LOXL2: variants seen among roughly 807,000 people sequenced by gnomAD.
LOXL2 encodes the protein lysyl oxidase homolog 2.
In LOXL2, 70 loss-of-function variants were observed where a neutral mutation model predicts 93.0. The ratio of observed to expected loss-of-function variants is 0.75; its 90% CI spans 0.62 to 0.92. The LOEUF (loss-of-function observed/expected upper bound fraction) is 0.92. Among genes scored for constraint, LOXL2 ranks in the 40% least tolerant of loss-of-function variants. The pLI, the probability that LOXL2 is intolerant of heterozygous loss-of-function variation, is 0.00. For synonymous variants in LOXL2, 438 were observed against 413.2 expected, an observed-to-expected ratio of 1.06 and a Z score of -0.73; for missense variants, 973 against 1,054.9, an observed-to-expected ratio of 0.92 and a Z score of 1.08.
At chr8:23,392,609 G>A (rs552209191) in intron 1 of LOXL2, among the ~76,000 whole-genome samples, 3 of 152,234 alleles carry the variant, frequency 2.0e-5, no homozygotes, top group South Asian at 4.2e-4. Flanking sequence ...CCAGTGACAG[G>A]ATGTCTCCAT....
At chr8:23,370,917 GA>G (rs1426335825) in intron 1 of LOXL2, among the ~76,000 whole-genome samples, 1 of 152,170 alleles carries the variant, frequency 6.6e-6, no homozygotes, top group Admixed American at 6.5e-5. Context: ...GGAAATAATG[GA>G]AGAAATAATG....
At chr8:23,382,157 C>T (rs1804688942) in intron 1 of LOXL2, among the ~76,000 whole-genome samples, 1 of 152,106 alleles carries the variant, frequency 6.6e-6, no homozygotes, top group African/African-American at 2.4e-5. Context: ...TCCATTACAC[C>T]CAGAAAACCA....
At chr8:23,397,238 G>C (rs184666753) in intron 1 of LOXL2, among the ~76,000 whole-genome samples, 18 of 152,306 alleles carry the variant, frequency 1.2e-4, no homozygotes, top group Middle Eastern at 3.4e-3. Flanking sequence ...TGGGTACAGA[G>C]TTTCTGTTTT....
chr8:23,338,157 C>T (rs1278340063), intron 4 of LOXL2, among the ~76,000 whole-genome samples: 1 of 152,202 alleles, frequency 6.6e-6, no homozygotes, highest in Non-Finnish European at 1.5e-5. Context: ...GACTTATTCA[C>T]TATCATGAGA....
At chr8:23,316,522 C>G (rs1016942132) in intron 9 of LOXL2, among the ~76,000 whole-genome samples, 1 of 151,926 alleles carries the variant, frequency 6.6e-6, no homozygotes, top group African/African-American at 2.4e-5. Context: ...TCTAGGACTC[C>G]CAGCGAACTA....
intron 2 of LOXL2, chr8:23,365,946 T>A (rs1036522538): frequency 1.6e-4 from 24 of 152,258 alleles, no homozygotes; most frequent in Admixed American, 1.5e-3. Context: ...TCATATTCCC[T>A]CCACTCCTTG....
chr8:23,363,216 G>A (rs1321516132), intron 2 of LOXL2: 1 of 152,102 alleles, frequency 6.6e-6, no homozygotes, highest in South Asian at 2.1e-4. Flanking sequence ...GAAAACCAAG[G>A]AAAGAAACGG....
rs753104617 is a variant in LOXL2 at position 23,309,782 on chromosome 8, G to A, written c.1766C>T (p.Pro589Leu). The A allele has an allele frequency of 6.1e-5, 98 of 1,604,170 alleles. No homozygotes were observed. The highest frequency in any genetic ancestry group is 7.9e-5 in the Non-Finnish European group (93 of 1,175,762). The stretch of plus-strand genomic sequence containing the variant: ...CAGGAGCCGGCGGTAGCCCGTGGTG[G>A]GGTCGGTCTGCGCGGCTGAGGCCGA... ...CLSASAAQTD[P>L]TTGYRRLLRF... Residue 589 changes from proline to leucine, a missense_variant, in exon 10 of 14, where the codon CCC (proline) becomes CTC (leucine). Physicochemically the swap from Pro to Leu is moderately conservative, Grantham distance 98. Transcript: ENST00000389131.
At chr8:23,340,373 G>T (rs548220603) in intron 4 of LOXL2, among the ~76,000 whole-genome samples, 2 of 152,198 alleles carry the variant, frequency 1.3e-5, no homozygotes, top group East Asian at 3.9e-4. Flanking sequence ...TTGGGGTGCT[G>T]GAATCCTTCC....
intron 7 of LOXL2, chr8:23,321,695 G>C (rs1445875416): frequency 6.0e-6 from 1 of 166,238 alleles, no homozygotes; most frequent in Non-Finnish European, 1.3e-5. Context: ...AGTGGCAGCA[G>C]CACAGGGTTT....
chr8:23,303,380 T>G lies in LOXL2; in HGVS notation c.1898A>C (p.Glu633Ala). 1 of 1,609,910 alleles carries G rather than the reference T, an allele frequency of 6.2e-7. No homozygotes were observed. The highest frequency in any genetic ancestry group is 8.5e-7 in the Non-Finnish European group (1 of 1,176,478). ...HDCHRHYHSM[E>A]VFTHYDLLNL... ...CAGCAGGTCATAGTGGGTGAACACC[T>G]CCATGCTGTGGTAGTGCCTGGAGCG... The change falls in exon 11 of 14, where the codon GAG becomes GCG. Residue 633 changes from glutamate to alanine, a missense_variant. Glu to Ala is a moderately radical substitution (Grantham distance 107). Coordinates refer to ENST00000389131, the MANE Select transcript of LOXL2 (RefSeq NM_002318.3).
At chr8:23,302,272 C>T in intron 11 of LOXL2, 109 bp from the exon 12 acceptor site, 1 of 1,365,982 alleles carries the variant, frequency 7.3e-7, no homozygotes, top group Middle Eastern at 1.9e-4. Flanking sequence ...GCTCGGCATC[C>T]CACCCCACTG....
intron 3 of LOXL2, among the ~76,000 whole-genome samples, chr8:23,356,247 T>TCA (rs1804196285): frequency 6.6e-6 from 1 of 152,236 alleles, no homozygotes; most frequent in South Asian, 2.1e-4. Flanking sequence ...AGTCAGCAGT[T>TCA]CACCCTGGGT....
At chr8:23,342,497 T>A (rs1415451728) in intron 3 of LOXL2, among the ~76,000 whole-genome samples, 1 of 151,228 alleles carries the variant, frequency 6.6e-6, no homozygotes, top group Non-Finnish European at 1.5e-5. Context: ...AGTGGCGCGA[T>A]CTCGGCTCAC....
chr8:23,338,911 G>A (rs971525544), intron 4 of LOXL2, among the ~76,000 whole-genome samples: 18 of 152,220 alleles, frequency 1.2e-4, no homozygotes, highest in African/African-American at 3.4e-4. Context: ...TCTCCCTGAA[G>A]CAGACCTGGG....
At chr8:23,400,815 A>G (rs1258203893) in intron 1 of LOXL2, among the ~76,000 whole-genome samples, 2 of 152,190 alleles carry the variant, frequency 1.3e-5, no homozygotes, top group Non-Finnish European at 2.9e-5. Flanking sequence ...ATAATGAGGA[A>G]GTACACTGCT....
At chr8:23,368,548 C>T (rs1229977384) in intron 1 of LOXL2, 114 bp from the exon 2 acceptor site, 8 of 598,254 alleles carry the variant, frequency 1.3e-5, no homozygotes, top group East Asian at 5.6e-5. Flanking sequence ...CCATTCTCGA[C>T]GCCAATCCAG....
intron 1 of LOXL2, among the ~76,000 whole-genome samples, chr8:23,395,248 G>A (rs540733610): frequency 5.5e-5 from 8 of 145,254 alleles, no homozygotes; most frequent in Admixed American, 2.8e-4. Context: ...GCAAGATTCC[G>A]TCTCAAAACA....
At position 23,301,662 on chromosome 8, in the gene LOXL2, G is replaced by A. The variant is rs191043415; in HGVS notation, c.2133+365C>T. 5.3e-5 allele frequency among the ~76,000 whole-genome samples: 8 copies of A among 152,308 alleles called. No homozygotes were observed. The East Asian group carries it at 1.4e-3, about 26-fold the overall frequency. ...AGCCTAGGGCACTAGGAGAAATGGG[G>A]ATGGTGGAGACAAGAGCTCCATAGG... On this transcript the variant is annotated intron_variant, in intron 12 of 13. Coordinates refer to ENST00000389131, the MANE Select transcript of LOXL2 (RefSeq NM_002318.3).
Sources: gnomAD v4.1 joint callset for allele counts (sites outside exome capture counted in the v4.1 genomes callset) on GRCh38, gnomAD v4.1.1 for gene constraint, MANE v1.5 for transcripts, NCBI Gene and HGNC (gene_info 2026-07-23, HGNC 2026-07-21) for gene names.